FBXL3: variants seen among roughly 807,000 people sequenced by gnomAD.
FBXL3 encodes the protein F-box/LRR-repeat protein 3.
Under a neutral mutation model 37.9 loss-of-function variants are expected in FBXL3, and 14 were observed. The ratio of observed to expected loss-of-function variants is 0.37; its 90% CI spans 0.24 to 0.58. The LOEUF is 0.58. FBXL3 is among the 20% of genes least tolerant of loss of function. The pLI, the probability that FBXL3 is intolerant of heterozygous loss-of-function variation, is 0.74. For synonymous variants in FBXL3, 194 were observed against 180.1 expected (o/e 1.08, Z -0.62); for missense variants, 327 against 511.1 (o/e 0.64, Z 3.47).
chr13:77,025,828 G>C (rs1262183543), intron 1 of FBXL3, among the ~76,000 whole-genome samples: 3 of 151,624 alleles, frequency 2.0e-5, no homozygotes, highest in Non-Finnish European at 4.4e-5. Flanking sequence ...CTCATTTGTA[G>C]TTAACTCTAA....
chr13:77,013,297 C>A (rs2034586848), intron 4 of FBXL3: 1 of 151,770 alleles, frequency 6.6e-6, no homozygotes, highest in Admixed American at 6.6e-5. Context: ...AAACTGGTAA[C>A]CGCCGTTTCA....
chr13:77,006,888 G>A lies in FBXL3; in HGVS notation c.*257C>T, dbSNP rs899673721. On this transcript the variant is annotated 3_prime_UTR_variant, in exon 5 of 5. Coordinates refer to ENST00000355619, the MANE Select transcript of FBXL3 (RefSeq NM_012158.4). The stretch of plus-strand genomic sequence containing the variant: ...CTTTAGACTGTAAACTGTTTAATAC[G>A]TATAACTGGTTATTTCACATCCGAA... 7 of 1,281,178 alleles carry A rather than the reference G, an allele frequency of 5.5e-6. No homozygotes were observed. The highest frequency in any genetic ancestry group is 1.5e-5 in the African/African-American group (1 of 66,890). The allele number at this position is 1,281,178 out of a possible 1,614,324, so 79.4% of individuals were successfully genotyped here. A position where few individuals can be genotyped will look rare whatever the true frequency, so the allele number is the denominator to read the frequency against.
At chr13:77,020,342 C>T (rs965568954) in intron 2 of FBXL3, among the ~76,000 whole-genome samples, 2 of 152,154 alleles carry the variant, frequency 1.3e-5, no homozygotes, top group South Asian at 4.1e-4. Flanking sequence ...AATCAGTGGC[C>T]TAAGCGCCTT....
intron 4 of FBXL3, chr13:77,010,839 A>G (rs1040973422): frequency 6.6e-6 from 1 of 152,268 alleles, no homozygotes; most frequent in Non-Finnish European, 1.5e-5. Flanking sequence ...CAGAGAAGCC[A>G]CTTGAGCCCT....
chr13:77,011,722 CAA>C (rs60267585), intron 4 of FBXL3, among the ~76,000 whole-genome samples: 36 of 93,248 alleles, frequency 3.9e-4, no homozygotes, highest in African/African-American at 3.1e-4. Flanking sequence ...GACCCTGTCT[CAA>C]AAAAAAAAAA....
chr13:77,008,572 T>G (rs899230958), intron 4 of FBXL3: 3 of 152,228 alleles, frequency 2.0e-5, no homozygotes, highest in African/African-American at 4.8e-5. Flanking sequence ...GTTTTTGTTT[T>G]CAGTCAGTCT....
intron 4 of FBXL3, among the ~76,000 whole-genome samples, chr13:77,011,291 G>C (rs889956018): frequency 1.9e-4 from 27 of 139,544 alleles, no homozygotes; most frequent in African/African-American, 7.7e-4. Context: ...AGTGAGCCGA[G>C]ATCAATGCCA....
At chr13:77,012,222 C>T (rs2154036446) in intron 4 of FBXL3, among the ~76,000 whole-genome samples, 1 of 152,154 alleles carries the variant, frequency 6.6e-6, no homozygotes, top group African/African-American at 2.4e-5. Flanking sequence ...ATAAATTGTA[C>T]ATTTTAAATG....
Position 77,007,245 on chromosome 13 carries a change from ACTT to A in FBXL3, c.1184_1186del (p.Glu395del). On this transcript the variant is annotated inframe_deletion, in exon 5 of 5. Transcript: ENST00000355619. ...ACTATACTTTTGGTCAGGAATTAGT[ACTT>A]CTTCCATAATGGATAATTGAGATAG... 1 of 1,614,128 alleles carries A rather than the reference ACTT, an allele frequency of 6.2e-7. No individual in the cohort carries two copies. Among genetic ancestry groups the A allele is most frequent in the Non-Finnish European group, 8.5e-7 (1 of 1,180,030 alleles).
intron 1 of FBXL3, among the ~76,000 whole-genome samples, chr13:77,024,659 A>C (rs1482190853): frequency 2.0e-5 from 3 of 152,206 alleles, no homozygotes; most frequent in Non-Finnish European, 4.4e-5. Context: ...TACCTTTCCA[A>C]GTTCAGGTTA....
At chr13:77,010,229 G>T (rs2034524738) in intron 4 of FBXL3, 2 of 151,954 alleles carry the variant, frequency 1.3e-5, no homozygotes, top group African/African-American at 2.4e-5. Context: ...TTCTGCACAT[G>T]TACTCCAGAA....
Position 77,015,391 on chromosome 13 carries a change from G to C in FBXL3, c.643+18C>G, listed in dbSNP as rs1253616095. ...AATGCATTTTACTAAAATGTGTCTA[G>C]CAAAAAACACAACATACCTGCTGGA... On this transcript the variant is annotated intron_variant, in intron 4 of 4. Coordinates refer to ENST00000355619, the MANE Select transcript of FBXL3 (RefSeq NM_012158.4). 2 of 1,493,900 alleles carry C rather than the reference G, an allele frequency of 1.3e-6. No individual in the cohort carries two copies. The highest frequency in any genetic ancestry group is 2.9e-5 in the African/African-American group (2 of 70,042). 92.5% of individuals were successfully genotyped at this position (1,493,900 alleles called of 1,614,324 possible).
chr13:77,018,252 T>G (rs943096505), intron 3 of FBXL3: 2 of 158,236 alleles, frequency 1.3e-5, no homozygotes, highest in African/African-American at 4.8e-5. Flanking sequence ...TCTACTTTTC[T>G]TTGATTCTAA....
At position 77,007,165 on chromosome 13, in the gene FBXL3, C is replaced by T. The variant is rs772342610; in HGVS notation, c.1267G>A (p.Asp423Asn). The T allele has an allele frequency of 1.9e-6, 3 of 1,604,066 alleles. No individual in the cohort carries two copies. Among genetic ancestry groups the T allele is most frequent in the Admixed American group, 1.7e-5 (1 of 59,768 alleles). The change falls in exon 5 of 5, where the codon GAC becomes AAC. Residue 423 changes from aspartate to asparagine, a missense_variant. Coordinates refer to ENST00000355619, the MANE Select transcript of FBXL3 (RefSeq NM_012158.4). The part of the protein sequence containing the change: ...SKHLGRVWFP[D>N]MMPTW ...AGTTTTTACCAAGTGGGCATCATGTCGGGAAACCACACCCTACCAAGATGC... is the reference window on the plus strand; with the variant it reads ...AGTTTTTACCAAGTGGGCATCATGTTGGGAAACCACACCCTACCAAGATGC...
intron 1 of FBXL3, among the ~76,000 whole-genome samples, chr13:77,023,977 C>G (rs2034794198): frequency 6.6e-6 from 1 of 152,300 alleles, no homozygotes; most frequent in East Asian, 1.9e-4. Flanking sequence ...TTCTTCACTG[C>G]TCCTATTCCC....
chr13:77,007,208 A>G lies in FBXL3; in HGVS notation c.1224T>C (p.Ile408=). 6.2e-7 allele frequency: 1 copy of G among 1,613,928 alleles called. No individual in the cohort carries two copies. Among genetic ancestry groups the G allele is most frequent in the Non-Finnish European group, 8.5e-7 (1 of 1,179,998 alleles). ...IPDQKYSLEQ[I]HWEVSKHLGR... ...CAAGATGCTTGGACACTTCCCAGTG[A>G]ATCTGCTCCAAACTATACTTTTGGT... The change falls in exon 5 of 5, where the codon ATT becomes ATC. Residue 408 remains isoleucine, a synonymous_variant. Transcript: ENST00000355619.
In FBXL3 at chr13:77,006,980, C is replaced by A. The variant is rs897174506; in HGVS notation, c.*165G>T. 2.8e-6 allele frequency: 4 copies of A among 1,406,174 alleles called. No homozygotes were observed. The highest frequency in any genetic ancestry group is 9.2e-7 in the Non-Finnish European group (1 of 1,084,628). The allele number at this position is 1,406,174 out of a possible 1,614,324, so 87.1% of individuals were successfully genotyped here. On this transcript the variant is annotated 3_prime_UTR_variant, in exon 5 of 5. Transcript: ENST00000355619. ...AAGGAAACAAGTGGAATTTTCTGAC[C>A]AAAACTCATTCATGGGTCTTCCGAT... is the stretch of plus-strand genomic sequence containing the variant.
At position 77,011,473 on chromosome 13, in the gene FBXL3, G is replaced by A. The variant is rs192488273; in HGVS notation, c.644-3685C>T. On this transcript the variant is annotated intron_variant, in intron 4 of 4. Transcript: ENST00000355619. ...ACGGTGGCTCTCGCCTATAATCCCA[G>A]CACTTTGGGAAGCTGAGGTGGGAGG... Among the ~76,000 whole-genome samples the A allele has an allele frequency of 2.6e-3, 399 of 152,114 alleles. 2 individuals carry two copies. The highest frequency in any genetic ancestry group is 3.4e-3 in the Non-Finnish European group (229 of 67,996).
intron 1 of FBXL3, 103 bp from the exon 2 acceptor site, chr13:77,021,964 A>C: frequency 1.1e-6 from 1 of 911,872 alleles, no homozygotes. Flanking sequence ...ATATACACAA[A>C]CATGCAGGAA....
Sources: gnomAD v4.1 joint callset for allele counts (sites outside exome capture counted in the v4.1 genomes callset) on GRCh38, gnomAD v4.1.1 for gene constraint, MANE v1.5 for transcripts, NCBI Gene and HGNC (gene_info 2026-07-23, HGNC 2026-07-21) for gene names.